The following TPRG1 variants were observed in gnomAD, a reference collection of about 807,000 sequenced individuals.
The protein encoded by TPRG1 is tumor protein p63-regulated gene 1 protein.
Under a neutral mutation model 29.3 loss-of-function variants are expected in TPRG1, and 29 were observed. That is an observed-to-expected ratio of 0.99 (90% CI 0.74 to 1.35). The LOEUF (loss-of-function observed/expected upper bound fraction) is 1.35. TPRG1 is among the 40% of genes most tolerant of loss of function. The probability of loss-of-function intolerance (pLI) is 0.00; values close to 1 mark genes in which losing one functional copy is unlikely to be tolerated. For synonymous variants in TPRG1, 130 were observed against 116.8 expected, an observed-to-expected ratio of 1.11 and a Z score of -0.73; for missense variants, 327 against 335.0, an observed-to-expected ratio of 0.98 and a Z score of 0.19.
rs1450329347 is a variant in TPRG1 at position 189,171,985 on chromosome 3, G to A, written c.-156G>A. 2.0e-5 allele frequency: 3 copies of A among 152,248 alleles called. No homozygotes were observed. Among genetic ancestry groups the A allele is most frequent in the Admixed American group, 6.5e-5 (1 of 15,270 alleles). 9.4% of individuals were successfully genotyped at this position (152,248 alleles called of 1,614,324 possible). On this transcript the variant is annotated 5_prime_UTR_variant, in exon 1 of 6. Coordinates refer to ENST00000345063, the MANE Select transcript of TPRG1 (RefSeq NM_198485.4). ...TAACTCTCAGCCTACTTGGTGAAGT[G>A]AGATTCAGACTGAGTGGGGTCACAG...
intron 4 of TPRG1, among the ~76,000 whole-genome samples, chr3:189,150,389 G>A (rs1408880490): frequency 2.0e-5 from 3 of 152,106 alleles, no homozygotes; most frequent in Non-Finnish European, 4.4e-5. Context: ...TACCATGTTG[G>A]TCAGCCTGGT....
chr3:189,251,518 C>T (rs1431199083), intron 4 of TPRG1, among the ~76,000 whole-genome samples: 1 of 152,074 alleles, frequency 6.6e-6, no homozygotes, highest in Non-Finnish European at 1.5e-5. Context: ...GAGGATCCCG[C>T]CAGCCTCTGA....
intron 4 of TPRG1, among the ~76,000 whole-genome samples, chr3:189,027,815 G>A (rs910271633): frequency 6.6e-6 from 1 of 152,130 alleles, no homozygotes; most frequent in African/African-American, 2.4e-5. Flanking sequence ...CCAGATGGAA[G>A]TGTGTTGGAA....
rs146724740 is a variant in TPRG1, at chr3:189,149,579, G to A, written c.-226-1077G>A. Reference sequence around the variant, plus strand: ...CAAAGACTGTTTTGTTTCAGCCAACGTGGTTATCTTCTGCCCTCTTCAGAA... The same window carrying A: ...CAAAGACTGTTTTGTTTCAGCCAACATGGTTATCTTCTGCCCTCTTCAGAA... On this transcript the variant is annotated intron_variant, in intron 4 of 6. Coordinates refer to the TPRG1 transcript ENST00000412373. Among the ~76,000 whole-genome samples, 499 of 152,330 alleles carry A rather than the reference G, an allele frequency of 3.3e-3. 1 individual carries two copies. The highest frequency in any genetic ancestry group is 0.012 in the African/African-American group (484 of 41,578).
chr3:189,035,041 T>C (rs1047596546), intron 4 of TPRG1, among the ~76,000 whole-genome samples: 1 of 152,048 alleles, frequency 6.6e-6, no homozygotes, highest in African/African-American at 2.4e-5. Flanking sequence ...CAAACTATAT[T>C]ACAAGGCTAC....
At chr3:189,245,218 G>A (rs1013214257) in intron 4 of TPRG1, among the ~76,000 whole-genome samples, 10 of 151,952 alleles carry the variant, frequency 6.6e-5, no homozygotes, top group Non-Finnish European at 1.3e-4. Flanking sequence ...CACTGCGCCC[G>A]GTTCATTTCT....
At chr3:189,213,517 A>G (rs1226377306) in intron 2 of TPRG1, among the ~76,000 whole-genome samples, 1 of 152,214 alleles carries the variant, frequency 6.6e-6, no homozygotes, top group Non-Finnish European at 1.5e-5. Context: ...TAAGAACAGC[A>G]CAGTGAGAAG....
At chr3:189,126,106 G>T (rs1358346345) in intron 1 of TPRG1, among the ~76,000 whole-genome samples, 1 of 152,050 alleles carries the variant, frequency 6.6e-6, no homozygotes, top group Non-Finnish European at 1.5e-5. Context: ...AAAAATCCTG[G>T]AAGTGGGACT....
At chr3:189,290,926 G>A (rs1371586847) in intron 4 of TPRG1, among the ~76,000 whole-genome samples, 5 of 151,960 alleles carry the variant, frequency 3.3e-5, no homozygotes, top group African/African-American at 7.3e-5. Context: ...TTGTTGAGAC[G>A]GAGTCTTGCT....
At chr3:189,278,942 G>T (rs565934032) in intron 4 of TPRG1, among the ~76,000 whole-genome samples, 1 of 152,250 alleles carries the variant, frequency 6.6e-6, no homozygotes, top group South Asian at 2.1e-4. Context: ...TGTATATATT[G>T]CATACAAGAG....
chr3:189,226,664 T>A (rs1330343003), intron 3 of TPRG1, among the ~76,000 whole-genome samples: 1 of 149,316 alleles, frequency 6.7e-6, no homozygotes, highest in African/African-American at 2.5e-5. Context: ...AGAAAGTAAA[T>A]AACTTAGATA....
Position 189,247,622 on chromosome 3 carries a change from G to A in TPRG1, c.479+8713G>A, listed in dbSNP as rs182446858. Among the ~76,000 whole-genome samples the A allele has an allele frequency of 6.0e-3, 913 of 152,042 alleles. 8 individuals carry two copies. Among genetic ancestry groups the A allele is most frequent in the Non-Finnish European group, 0.011 (718 of 67,870 alleles). On this transcript the variant is annotated intron_variant, in intron 4 of 5. Transcript: ENST00000345063. ...TGTTTTTTTGGCAAAGTGGGGAGTG[G>A]AAGAATGGGTTTTATTCACTTATCA... is the stretch of plus-strand genomic sequence containing the variant.
chr3:189,099,621 G>A (rs948670423), upstream of TPRG1, among the ~76,000 whole-genome samples: 1 of 152,044 alleles, frequency 6.6e-6, no homozygotes, highest in African/African-American at 2.4e-5. Flanking sequence ...TATACATGCT[G>A]GGTCTCATAG....
intron 5 of TPRG1, among the ~76,000 whole-genome samples, chr3:189,165,985 G>A (rs543762500): frequency 6.6e-6 from 1 of 152,188 alleles, no homozygotes; most frequent in Non-Finnish European, 1.5e-5. Context: ...GAAACCCAGA[G>A]AGCAGTCGCA....
chr3:189,190,513 C>A (rs1019087868), intron 1 of TPRG1, among the ~76,000 whole-genome samples: 2 of 152,186 alleles, frequency 1.3e-5, no homozygotes, highest in African/African-American at 4.8e-5. Context: ...GGCAGCCTCA[C>A]TTTCTCTTTG....
At chr3:189,318,795 A>G (rs970374432) in intron 5 of TPRG1, among the ~76,000 whole-genome samples, 1 of 152,288 alleles carries the variant, frequency 6.6e-6, no homozygotes. Context: ...CTAGTGTTCT[A>G]AAGAACATGG....
rs188658796 is a variant in TPRG1, at chr3:189,189,256, G to A, written c.-10+17125G>A. Reference sequence around the variant, plus strand: ...TATATTTTATTTTTGTAAAAACTACGATCATGCTATGTCCTTTTTATAGCT... The same window carrying A: ...TATATTTTATTTTTGTAAAAACTACAATCATGCTATGTCCTTTTTATAGCT... On this transcript the variant is annotated intron_variant, in intron 1 of 5. Coordinates refer to ENST00000345063, the MANE Select transcript of TPRG1 (RefSeq NM_198485.4). Among the ~76,000 whole-genome samples the A allele has an allele frequency of 3.8e-3, 570 of 151,702 alleles. 2 individuals are homozygous for A. The highest frequency in any genetic ancestry group is 6.8e-3 in the Middle Eastern group (2 of 292).
intron 4 of TPRG1, among the ~76,000 whole-genome samples, chr3:189,291,759 A>C (rs1435888928): frequency 1.3e-5 from 2 of 152,220 alleles, no homozygotes; most frequent in East Asian, 3.8e-4. Flanking sequence ...ACAAATATAT[A>C]TCTCATTAGC....
chr3:189,236,341 C>T (rs540156706), intron 3 of TPRG1, among the ~76,000 whole-genome samples: 3 of 152,238 alleles, frequency 2.0e-5, no homozygotes, highest in Admixed American at 2.0e-4. Flanking sequence ...TAGACTAAAA[C>T]AAGTCTGGTT....
Sources: gnomAD v4.1 joint callset for allele counts (sites outside exome capture counted in the v4.1 genomes callset) on GRCh38, gnomAD v4.1.1 for gene constraint, MANE v1.5 for transcripts, NCBI Gene and HGNC (gene_info 2026-07-23, HGNC 2026-07-21) for gene names.